Variants in ZC4H2 observed in about 807,000 individuals in gnomAD.
ZC4H2 encodes zinc finger C4H2-type containing.
For synonymous variants in ZC4H2, 84 were observed against 66.3 expected (o/e 1.27, Z -1.30); for missense variants, 137 against 173.9 (o/e 0.79, Z 1.19).
intron 1 of ZC4H2, among the ~76,000 whole-genome samples, chrX:64,925,523 G>GT (rs1280171270): frequency 8.9e-6 from 1 of 111,958 alleles, no homozygotes; most frequent in African/African-American, 3.3e-5. Flanking sequence ...TAAGATGAAA[G>GT]TAACTACCAC....
chrX:64,953,022 T>A (rs1210538053), intron 1 of ZC4H2, among the ~76,000 whole-genome samples: 1 of 111,568 alleles, frequency 9.0e-6, no homozygotes, highest in African/African-American at 3.3e-5. Context: ...ATGCCACATA[T>A]CTACAACTAT....
At chrX:64,926,591 G>C (rs1036039765) in intron 1 of ZC4H2, among the ~76,000 whole-genome samples, 17 of 111,937 alleles carry the variant, frequency 1.5e-4, no homozygotes, top group African/African-American at 5.5e-4. Context: ...ACTTCAAAGT[G>C]ATCTTAATTT....
In ZC4H2 at chrX:64,917,351, C is replaced by T. The variant is rs1017107774; in HGVS notation, c.*432G>A. Reference sequence around the variant, plus strand: ...GAGAATCCAACATGAAGACTATTGTCCCTTGAGAACCTAAGGCAAAAGTAC... The same window carrying T: ...GAGAATCCAACATGAAGACTATTGTTCCTTGAGAACCTAAGGCAAAAGTAC... On this transcript the variant is annotated 3_prime_UTR_variant, in exon 5 of 5. Coordinates refer to ENST00000374839, the MANE Select transcript of ZC4H2 (RefSeq NM_018684.4). 1.7e-5 allele frequency: 2 copies of T among 119,139 alleles called. No individual in the cohort carries two copies. Among genetic ancestry groups the T allele is most frequent in the African/African-American group, 6.5e-5 (2 of 30,617 alleles). 9.8% of individuals were successfully genotyped at this position (119,139 alleles called of 1,213,427 possible). A position where few individuals can be genotyped will look rare whatever the true frequency, so the allele number is the denominator to read the frequency against.
intron 1 of ZC4H2, among the ~76,000 whole-genome samples, chrX:64,947,262 A>T (rs1930579979): frequency 8.9e-6 from 1 of 111,979 alleles, no homozygotes; most frequent in South Asian, 3.7e-4. Context: ...GAAATGGTCT[A>T]TCTATTTTGG....
chrX:64,988,126 C>G (rs1311934365), intron 1 of ZC4H2, among the ~76,000 whole-genome samples: 3 of 110,051 alleles, frequency 2.7e-5, no homozygotes, highest in South Asian at 4.0e-4. Context: ...TCTTAATCCA[C>G]TCTATCATTG....
intron 1 of ZC4H2, among the ~76,000 whole-genome samples, chrX:64,923,538 C>A (rs1486425268): frequency 9.1e-6 from 1 of 110,445 alleles, no homozygotes; most frequent in Non-Finnish European, 1.9e-5. Flanking sequence ...TGTCTTCAGT[C>A]TCTCTTTTCT....
At chrX:64,968,459 T>A (rs1450243360) in intron 1 of ZC4H2, among the ~76,000 whole-genome samples, 1 of 111,492 alleles carries the variant, frequency 9.0e-6, no homozygotes, top group Non-Finnish European at 1.9e-5. Context: ...GTGCACTTCA[T>A]GGAATCTCTT....
intron 1 of ZC4H2, among the ~76,000 whole-genome samples, chrX:65,006,249 C>T (rs761855893): frequency 5.4e-5 from 6 of 111,487 alleles, no homozygotes; most frequent in African/African-American, 1.6e-4. Flanking sequence ...ACTATAAAGA[C>T]GCATGCACAC....
intron 1 of ZC4H2, among the ~76,000 whole-genome samples, chrX:64,958,625 C>G (rs1228422533): frequency 9.0e-6 from 1 of 111,189 alleles, no homozygotes; most frequent in Non-Finnish European, 1.9e-5. Context: ...AGCCTTGTAC[C>G]TGTCTCAGTA....
intron 4 of ZC4H2, 114 bp downstream of exon 4, chrX:64,918,928 G>C: frequency 1.1e-6 from 1 of 945,839 alleles, no homozygotes; most frequent in Non-Finnish European, 1.4e-6. Context: ...ACAAGCAAAG[G>C]CCATTAAAAG....
intron 1 of ZC4H2, among the ~76,000 whole-genome samples, chrX:64,965,982 T>C (rs1240106325): frequency 9.6e-6 from 1 of 104,044 alleles, no homozygotes; most frequent in Non-Finnish European, 2.0e-5. Context: ...ACATTGTAAT[T>C]CAAAAGACAC....
intron 1 of ZC4H2, among the ~76,000 whole-genome samples, chrX:65,026,547 A>T (rs1314153578): frequency 2.7e-5 from 3 of 110,227 alleles, no homozygotes; most frequent in Non-Finnish European, 5.7e-5. Flanking sequence ...GTCTCTAATA[A>T]AAATACAAAA....
At chrX:64,973,546 A>T (rs1931849962) in intron 1 of ZC4H2, among the ~76,000 whole-genome samples, 2 of 109,983 alleles carry the variant, frequency 1.8e-5, no homozygotes, top group African/African-American at 6.6e-5. Flanking sequence ...TAACAGTATA[A>T]ATTTAGCTTC....
chrX:65,021,597 A>G (rs1463513289), intron 1 of ZC4H2, among the ~76,000 whole-genome samples: 1 of 111,352 alleles, frequency 9.0e-6, no homozygotes, highest in East Asian at 2.8e-4. Flanking sequence ...TTGACACCCT[A>G]GCATCGCAAT....
intron 1 of ZC4H2, among the ~76,000 whole-genome samples, chrX:65,010,986 GT>G (rs1932750840): frequency 1.8e-5 from 2 of 111,765 alleles, no homozygotes; most frequent in African/African-American, 3.2e-5. Context: ...TGGTGAATTA[GT>G]TTTTTCAGCT....
rs182681228 is a variant in ZC4H2, at chrX:64,917,831, C to T, written c.627G>A (p.Lys209=). ...GCTTTTTGGGGTTCCGGGACCGACT[C>T]TTGGCCTTGCAAAGAGGGCATATAG... ...NAPICPLCKA[K]SRSRNPKKPK... The change falls in exon 5 of 5, where the codon AAG becomes AAA. Residue 209 remains lysine (K), a synonymous_variant. Transcript: ENST00000374839. 5.0e-6 allele frequency: 6 copies of T among 1,209,229 alleles called. No individual in the cohort carries two copies. The East Asian group carries it at 1.5e-4, about 30-fold the overall frequency.
intron 3 of ZC4H2, 49 bp from the exon 4 acceptor site, chrX:64,919,253 C>T (rs1430099588): frequency 2.5e-6 from 3 of 1,188,838 alleles, no homozygotes; most frequent in Admixed American, 4.4e-5. Flanking sequence ...GCAATGAGAA[C>T]CTTGCTCCTC....
intron 3 of ZC4H2, chrX:64,919,590 G>T: frequency 6.8e-6 from 1 of 147,553 alleles, no homozygotes; most frequent in Non-Finnish European, 1.3e-5. Flanking sequence ...TTTAGGAAAT[G>T]ATTTCCTCTA....
chrX:64,963,738 C>T (rs764204667), intron 1 of ZC4H2, among the ~76,000 whole-genome samples: 3 of 111,141 alleles, frequency 2.7e-5, no homozygotes, highest in East Asian at 2.8e-4. Context: ...GAATTGAAAT[C>T]GGGATCTCAA....
Sources: allele counts gnomAD v4.1 joint callset (sites outside exome capture counted in the v4.1 genomes callset), GRCh38; gene constraint gnomAD v4.1.1; transcripts MANE v1.5; gene names NCBI Gene and HGNC (gene_info 2026-07-23, HGNC 2026-07-21).